CARMIL3: variants seen among roughly 807,000 people sequenced by gnomAD.
CARMIL3 encodes the protein capping protein regulator and myosin 1 linker 3, also known as capping protein, Arp2/3 and myosin-I linker protein 3.
Under a neutral mutation model 180.8 loss-of-function variants are expected in CARMIL3, and 88 were observed. The ratio of observed to expected loss-of-function variants is 0.49; its 90% confidence interval spans 0.41 to 0.58. The LOEUF is 0.58. Ranked by LOEUF, CARMIL3 falls within the 20% of genes least tolerant of loss-of-function variation. CARMIL3 has a pLI of 0.00. For synonymous variants in CARMIL3, 696 were observed against 714.5 expected (o/e 0.97, Z 0.41); for missense variants, 1,548 against 1,787.0 (o/e 0.87, Z 2.41).
chr14:24,054,823 A>G lies in CARMIL3; in HGVS notation c.460+15A>G, dbSNP rs186028053. 9.6e-5 allele frequency: 155 copies of G among 1,608,728 alleles called. 2 individuals are homozygous for G. In the Admixed American group the frequency reaches 2.6e-3, roughly 27 times the overall value. On this transcript the variant is annotated intron_variant, in intron 6 of 39. Transcript: ENST00000342740. This position sits in a 1 kb window ranked among gnomAD's most constrained non-coding sequence, Gnocchi z 5.1. ...CAGTGTCTGCGGTGAGCAGGGGCAGATGTGAGGAAAGTAGGCGCTCCACCA... is the reference window on the plus strand; with the variant it reads ...CAGTGTCTGCGGTGAGCAGGGGCAGGTGTGAGGAAAGTAGGCGCTCCACCA...
At chr14:24,064,390 C>T (rs1300890274) in intron 32 of CARMIL3, 44 bp downstream of exon 32, 4 of 1,438,284 alleles carry the variant, frequency 2.8e-6, no homozygotes, top group African/African-American at 2.8e-5. Flanking sequence ...GGCCCCAAGG[C>T]CCTAGAAGGG....
At position 24,059,077 on chromosome 14, in the gene CARMIL3, C is replaced by T. The variant is rs372693360; in HGVS notation, c.1572-58C>T. On this transcript the variant is annotated intron_variant, in intron 19 of 39. Coordinates refer to ENST00000342740, the MANE Select transcript of CARMIL3 (RefSeq NM_138360.4). The surrounding 1 kb of genome is among the most constrained non-coding windows in gnomAD (Gnocchi z 6.3). ...TATTACCTCTGGCCACCTCTCTCCT[C>T]CTCCAATAGCATGACCCCAGCCCTT... is the stretch of plus-strand genomic sequence containing the variant. 82 of 1,586,196 alleles carry T rather than the reference C, an allele frequency of 5.2e-5. No homozygotes were observed. The African/African-American group carries it at 9.1e-4, about 18-fold the overall frequency.
intron 1 of CARMIL3, among the ~76,000 whole-genome samples, chr14:24,052,696 A>G (rs11624730): frequency 0.84 from 128,360 of 152,218 alleles, 54,893 homozygotes; most frequent in African/African-American, 0.96. Context: ...GGGCAAAGAA[A>G]GGAGTCAGGG....
In CARMIL3 at chr14:24,060,148, C is replaced by G. The variant is rs778626916; in HGVS notation, c.1963-9C>G. On this transcript the variant is annotated splice_polypyrimidine_tract_variant and intron_variant, in intron 23 of 39. Coordinates refer to ENST00000342740, the MANE Select transcript of CARMIL3 (RefSeq NM_138360.4). The stretch of plus-strand genomic sequence containing the variant: ...CCAGGCCCTGACCCACCAACCCCAT[C>G]ATCTCCAGATCCAATGGTGCTTAGT... 1.2e-6 allele frequency: 2 copies of G among 1,614,126 alleles called. No individual in the cohort carries two copies. Among genetic ancestry groups the G allele is most frequent in the Non-Finnish European group, 1.7e-6 (2 of 1,180,026 alleles).
chr14:24,065,480 G>A (rs1485937775), intron 33 of CARMIL3, 142 bp from the exon 34 acceptor site: 1 of 1,282,600 alleles, frequency 7.8e-7, no homozygotes, highest in East Asian at 2.4e-5. Flanking sequence ...TGCAGGCGTT[G>A]GAAGGACTCT....
rs750980500 is a variant in CARMIL3 at position 24,068,867 on chromosome 14, G to C, written c.3883G>C (p.Val1295Leu). The change falls in exon 38 of 40, where the codon GTC (valine) becomes CTC (leucine). Residue 1295 changes from valine to leucine, a missense_variant. Physicochemically the swap from Val to Leu is conservative, Grantham distance 32. Transcript: ENST00000342740. ...CCGCCAGCCTCCCCAGGAGCCAGGG[G>C]TCAGGGAGGAGGCTGAGGCTGGAGA... ...RGRQPPQEPG[V>L]REEAEAGDAA... 1.9e-6 allele frequency: 3 copies of C among 1,612,786 alleles called. No individual in the cohort carries two copies. Among genetic ancestry groups the C allele is most frequent in the South Asian group, 1.1e-5 (1 of 90,822 alleles).
Position 24,069,389 on chromosome 14 carries a change from G to C in CARMIL3, c.4104G>C (p.Glu1368Asp), listed in dbSNP as rs376783862. 3 of 1,614,022 alleles carry C rather than the reference G, an allele frequency of 1.9e-6. No homozygotes were observed. In the African/African-American group the frequency reaches 4.0e-5, roughly 22 times the overall value. ...RRPPDPTGTS[E>D]PGTD Reference sequence around the variant, plus strand: ...ATTTGTCCCCAGCAGGAACCAGTGAGCCAGGAACAGACTGACAACTGCCAC... The same window carrying C: ...ATTTGTCCCCAGCAGGAACCAGTGACCCAGGAACAGACTGACAACTGCCAC... The change falls in exon 40 of 40, where the codon GAG becomes GAC. Residue 1368 changes from glutamate (E) to aspartate (D), a missense_variant. By Grantham distance (45) the Glu-to-Asp change is conservative. Coordinates refer to ENST00000342740, the MANE Select transcript of CARMIL3 (RefSeq NM_138360.4).
chr14:24,056,291 C>T lies in CARMIL3; in HGVS notation c.771-8C>T. Reference sequence around the variant, plus strand: ...CTCAGGACAAATCCTTCCTCCCCTTCCCTGAAGGGACTTTGTCCAGAAGCT... The same window carrying T: ...CTCAGGACAAATCCTTCCTCCCCTTTCCTGAAGGGACTTTGTCCAGAAGCT... On this transcript the variant is annotated splice_polypyrimidine_tract_variant and splice_region_variant and intron_variant, in intron 10 of 39. Coordinates refer to ENST00000342740, the MANE Select transcript of CARMIL3 (RefSeq NM_138360.4). The T allele has an allele frequency of 6.2e-7, 1 of 1,612,572 alleles. No homozygotes were observed. Among genetic ancestry groups the T allele is most frequent in the South Asian group, 1.1e-5 (1 of 90,850 alleles).
intron 37 of CARMIL3, 41 bp downstream of exon 37, chr14:24,068,743 G>A: frequency 6.2e-7 from 1 of 1,613,774 alleles, no homozygotes; most frequent in Non-Finnish European, 8.5e-7. Context: ...ACTTTGATGA[G>A]GCAAAGGGAC....
chr14:24,059,495 G>A lies in CARMIL3; in HGVS notation c.1799+53G>A, dbSNP rs1265334722. 11 of 1,539,712 alleles carry A rather than the reference G, an allele frequency of 7.1e-6. No individual in the cohort carries two copies. The highest frequency in any genetic ancestry group is 2.4e-5 in the South Asian group (2 of 83,748). On this transcript the variant is annotated intron_variant, in intron 21 of 39. Transcript: ENST00000342740. This position sits in a 1 kb window ranked among gnomAD's most constrained non-coding sequence, Gnocchi z 6.3. The stretch of plus-strand genomic sequence containing the variant: ...CTGGAGCCCCAGCCCCTCCCCATAT[G>A]TACATAATCTCCCTGCTTTCCTTGA...
rs1004182310 is a variant in CARMIL3 at position 24,058,244 on chromosome 14, C to G, written c.1392+20C>G. The G allele has an allele frequency of 6.2e-7, 1 of 1,608,792 alleles. No homozygotes were observed. The highest frequency in any genetic ancestry group is 1.1e-5 in the South Asian group (1 of 90,198). On this transcript the variant is annotated intron_variant, in intron 17 of 39. Coordinates refer to ENST00000342740, the MANE Select transcript of CARMIL3 (RefSeq NM_138360.4). The surrounding 1 kb of genome is among the most constrained non-coding windows in gnomAD (Gnocchi z 6.4). ...TGCGAGGTGAGCCCTCAGTCCCCAACCCCTCTGCCCGCCTCCGATCCATGT... is the reference window on the plus strand; with the variant it reads ...TGCGAGGTGAGCCCTCAGTCCCCAAGCCCTCTGCCCGCCTCCGATCCATGT...
In CARMIL3 at chr14:24,052,159, C is replaced by T; in HGVS notation, c.6C>T (p.Ala2=). The T allele has an allele frequency of 3.1e-6, 5 of 1,588,482 alleles. No individual in the cohort carries two copies. Among genetic ancestry groups the T allele is most frequent in the Non-Finnish European group, 4.3e-6 (5 of 1,172,366 alleles). M[A]KPSVELTREL... ...CCTCAGCAGCAGCGGCCGCCATGGCCAAGCCCAGCGTGGAGCTCACCCGCG... is the reference window on the plus strand; with the variant it reads ...CCTCAGCAGCAGCGGCCGCCATGGCTAAGCCCAGCGTGGAGCTCACCCGCG... The change falls in exon 1 of 40, where the codon GCC becomes GCT. Residue 2 remains alanine, a synonymous_variant. Coordinates refer to ENST00000342740, the MANE Select transcript of CARMIL3 (RefSeq NM_138360.4).
chr14:24,068,795 C>T lies in CARMIL3; in HGVS notation c.3811C>T (p.Pro1271Ser). 6.2e-7 allele frequency: 1 copy of T among 1,614,024 alleles called. No individual in the cohort carries two copies. The highest frequency in any genetic ancestry group is 8.5e-7 in the Non-Finnish European group (1 of 1,180,030). The part of the protein sequence containing the change: ...LPARNAKLQD[P>S]ALAPWPPKPV... The stretch of plus-strand genomic sequence containing the variant: ...TTCCTTCCTCTGCCAGCTACAGGAC[C>T]CCGCTCTAGCTCCATGGCCTCCCAA... The change falls in exon 38 of 40, where the codon CCC (proline) becomes TCC (serine). Residue 1271 changes from proline to serine, a missense_variant. Physicochemically the swap from Pro to Ser is moderately conservative, Grantham distance 74. Transcript: ENST00000342740.
At position 24,055,359 on chromosome 14, in the gene CARMIL3, C is replaced by G. The variant is rs1452081369; in HGVS notation, c.605+49C>G. The G allele has an allele frequency of 4.4e-6, 7 of 1,597,822 alleles. No homozygotes were observed. The East Asian group carries it at 1.6e-4, about 36-fold the overall frequency. Reference sequence around the variant, plus strand: ...CACCCTCAAATTCCCAAATTCAGCCCAACCCCAGCCCTTCCCAGGAGTGCC... The same window carrying G: ...CACCCTCAAATTCCCAAATTCAGCCGAACCCCAGCCCTTCCCAGGAGTGCC... On this transcript the variant is annotated intron_variant, in intron 8 of 39. Coordinates refer to ENST00000342740, the MANE Select transcript of CARMIL3 (RefSeq NM_138360.4).
chr14:24,060,943 A>T lies in CARMIL3; in HGVS notation c.2207A>T (p.Tyr736Phe), dbSNP rs746995648. Residue 736 changes from tyrosine to phenylalanine, a missense_variant, in exon 26 of 40, where the codon TAT (tyrosine) becomes TTT (phenylalanine). This residue lies in a region of CARMIL3 where 297 missense variants were observed against 415.9 expected (regional missense o/e 0.71). Coordinates refer to ENST00000342740, the MANE Select transcript of CARMIL3 (RefSeq NM_138360.4). ...CTTCTCCAGCTGTTTCCCAGCCTCT[A>T]TGAGCTGGGCCACGTGCTGGCCAAT... is the stretch of plus-strand genomic sequence containing the variant. ...KNSRALFPSL[Y>F]ELGHVLANDG... 6 of 1,551,664 alleles carry T rather than the reference A, an allele frequency of 3.9e-6. No homozygotes were observed. In the South Asian group the frequency reaches 7.1e-5, roughly 18 times the overall value.
chr14:24,057,203 G>A lies in CARMIL3; in HGVS notation c.1099G>A (p.Val367Met). 1.2e-6 allele frequency: 2 copies of A among 1,614,082 alleles called. No homozygotes were observed. The highest frequency in any genetic ancestry group is 8.5e-7 in the Non-Finnish European group (1 of 1,179,964). ...YSFLAQPNAL[V>M]HLDLSGTDCV... is the part of the protein sequence containing the mutation. Reference sequence around the variant, plus strand: ...TTTCCTGGCCCAACCCAACGCCCTGGTGCACCTGGACCTGTCAGGAACTGA... The same window carrying A: ...TTTCCTGGCCCAACCCAACGCCCTGATGCACCTGGACCTGTCAGGAACTGA... Residue 367 changes from valine (V) to methionine (M), a missense_variant, in exon 14 of 40, where the codon GTG becomes ATG. This residue lies in a region of CARMIL3 where 578 missense variants were observed against 666.5 expected (regional missense o/e 0.87). Coordinates refer to ENST00000342740, the MANE Select transcript of CARMIL3 (RefSeq NM_138360.4).
In CARMIL3 at chr14:24,059,334, C is replaced by T; in HGVS notation, c.1691C>T (p.Ala564Val). ...CTTCGCACCAGCATCCTCATCAATG[C>T]CCTGGGCAGCAACACCTGCCTGGCC... The part of the protein sequence containing the change: ...LKLRTSILIN[A>V]LGSNTCLAKV... Residue 564 changes from alanine to valine, a missense_variant, in exon 21 of 40, where the codon GCC (alanine) becomes GTC (valine). Coordinates refer to ENST00000342740, the MANE Select transcript of CARMIL3 (RefSeq NM_138360.4). This position sits in a 1 kb window ranked among gnomAD's most constrained non-coding sequence, Gnocchi z 6.3. 1.2e-6 allele frequency: 2 copies of T among 1,614,002 alleles called. No individual in the cohort carries two copies. The highest frequency in any genetic ancestry group is 1.7e-6 in the Non-Finnish European group (2 of 1,180,010).
chr14:24,055,598 T>G lies in CARMIL3; in HGVS notation c.661T>G (p.Tyr221Asp). 6.2e-7 allele frequency: 1 copy of G among 1,614,124 alleles called. No individual in the cohort carries two copies. The highest frequency in any genetic ancestry group is 2.2e-5 in the East Asian group (1 of 44,876). Reference protein sequence around the residue: ...LAYNQWFTKLYCKDLRLGSEV... With the variant: ...LAYNQWFTKLDCKDLRLGSEV... ...CTACAACCAGTGGTTCACCAAACTCTACTGCAAGGACTTGCGGCTGGTAGG... is the reference window on the plus strand; with the variant it reads ...CTACAACCAGTGGTTCACCAAACTCGACTGCAAGGACTTGCGGCTGGTAGG... The change falls in exon 9 of 40, where the codon TAC becomes GAC. Residue 221 changes from tyrosine to aspartate, a missense_variant. Physicochemically the swap from Tyr to Asp is radical, Grantham distance 160. Transcript: ENST00000342740.
chr14:24,061,496 G>C lies in CARMIL3; in HGVS notation c.2305-1G>C. The C allele has an allele frequency of 6.2e-7, 1 of 1,611,918 alleles. No homozygotes were observed. Among genetic ancestry groups the C allele is most frequent in the Non-Finnish European group, 8.5e-7 (1 of 1,178,818 alleles). On this transcript the variant is annotated splice_acceptor_variant, in intron 26 of 39. Coordinates refer to ENST00000342740, the MANE Select transcript of CARMIL3 (RefSeq NM_138360.4). LOFTEE classifies it high-confidence loss of function. The surrounding 1 kb of genome is among the most constrained non-coding windows in gnomAD (Gnocchi z 4.1). ...TCTGGCCTCCCTTTCCCCCATACTA[G>C]GTGATCCTGGAGTCCATGGTCAGCC...
Sources: gnomAD v4.1 joint callset for allele counts (sites outside exome capture counted in the v4.1 genomes callset) on GRCh38, gnomAD v4.1.1 for gene constraint, gnomAD v4.1.1 regional missense constraint, Gnocchi (gnomAD v3.1) non-coding constraint, MANE v1.5 for transcripts, NCBI Gene and HGNC (gene_info 2026-07-23, HGNC 2026-07-21) for gene names.